Variants in PTPRK observed in about 807,000 individuals in gnomAD.
PTPRK encodes receptor-type tyrosine-protein phosphatase kappa.
PTPRK carries 75 observed loss-of-function variants against 178.0 expected under a neutral mutation model. The ratio of observed to expected loss-of-function variants is 0.42; its 90% CI spans 0.35 to 0.51. The LOEUF is 0.51. Ranked by LOEUF, PTPRK falls within the 20% of genes least tolerant of loss-of-function variation. The pLI, the probability that PTPRK is intolerant of heterozygous loss-of-function variation, is 0.02. For missense variants in PTPRK, 1,441 were observed against 1,797.8 expected (o/e 0.80, Z 3.59); for synonymous variants, 637 against 620.6 (o/e 1.03, Z -0.39).
At chr6:128,349,422 G>T (rs1832826880) in intron 2 of PTPRK, among the ~76,000 whole-genome samples, 1 of 152,022 alleles carries the variant, frequency 6.6e-6, no homozygotes, top group Non-Finnish European at 1.5e-5. Flanking sequence ...ATTCATTGTA[G>T]TTTAATGCTT....
At position 128,351,875 on chromosome 6, in the gene PTPRK, C is replaced by A. The variant is rs533086442; in HGVS notation, c.224-29565G>T. Among the ~76,000 whole-genome samples the A allele has an allele frequency of 1.0e-3, 154 of 152,176 alleles. 1 individual carries two copies. Among genetic ancestry groups the A allele is most frequent in the Non-Finnish European group, 1.6e-3 (112 of 68,002 alleles). ...TCAGATTTCTGGGGTCCAGATCATC[C>A]ATCTCAATTTTCTTCAATGTAGCTC... On this transcript the variant is annotated intron_variant, in intron 2 of 29. Coordinates refer to ENST00000368226, the MANE Select transcript of PTPRK (RefSeq NM_002844.4).
chr6:128,121,617 T>C (rs1481980624), intron 7 of PTPRK, among the ~76,000 whole-genome samples: 1 of 152,072 alleles, frequency 6.6e-6, no homozygotes, highest in Non-Finnish European at 1.5e-5. Flanking sequence ...ATGTTAATAC[T>C]ATTTTGCATA....
chr6:128,309,155 T>A (rs1826876016), intron 3 of PTPRK, among the ~76,000 whole-genome samples: 1 of 152,172 alleles, frequency 6.6e-6, no homozygotes, highest in Non-Finnish European at 1.5e-5. Context: ...TTTTTTCACT[T>A]ACCACACAGT....
chr6:128,453,020 C>A (rs970125468), intron 1 of PTPRK, among the ~76,000 whole-genome samples: 1 of 152,150 alleles, frequency 6.6e-6, no homozygotes, highest in Non-Finnish European at 1.5e-5. Context: ...TAACAGCTGA[C>A]CTGCAGATTT....
intron 12 of PTPRK, among the ~76,000 whole-genome samples, chr6:128,065,900 A>G (rs1167142170): frequency 6.6e-6 from 1 of 152,198 alleles, no homozygotes; most frequent in East Asian, 1.9e-4. Flanking sequence ...AGTCACATCA[A>G]CTTTAAAACT....
intron 2 of PTPRK, among the ~76,000 whole-genome samples, chr6:128,357,645 G>A (rs1325851613): frequency 3.3e-5 from 5 of 152,160 alleles, no homozygotes; most frequent in Admixed American, 3.3e-4. Flanking sequence ...GCTCTTTGTA[G>A]CCAGAAGACA....
rs142449440 is a variant in PTPRK, at chr6:128,149,521, C to T, written c.1162+34911G>A. Among the ~76,000 whole-genome samples the T allele has an allele frequency of 3.4e-3, 521 of 152,140 alleles. 5 individuals carry two copies. The highest frequency in any genetic ancestry group is 0.012 in the African/African-American group (504 of 41,504). On this transcript the variant is annotated intron_variant, in intron 7 of 29. Coordinates refer to ENST00000368226, the MANE Select transcript of PTPRK (RefSeq NM_002844.4). Reference sequence around the variant, plus strand: ...TTAGACAGCTTTGGAATTAGATAGGCATATAGTCCAGTTCTAATCTAGTAG... The same window carrying T: ...TTAGACAGCTTTGGAATTAGATAGGTATATAGTCCAGTTCTAATCTAGTAG...
At chr6:128,377,348 C>T (rs1436428277) in intron 2 of PTPRK, among the ~76,000 whole-genome samples, 2 of 152,038 alleles carry the variant, frequency 1.3e-5, no homozygotes, top group African/African-American at 4.8e-5. Context: ...CAGGGAAACT[C>T]TCTCTTTTTT....
intron 17 of PTPRK, among the ~76,000 whole-genome samples, chr6:127,996,241 C>T (rs1353793037): frequency 2.6e-5 from 4 of 152,060 alleles, no homozygotes; most frequent in Non-Finnish European, 5.9e-5. Flanking sequence ...AAGAATAACA[C>T]CCCAATCTTG....
At chr6:128,200,291 A>C (rs1805674412) in intron 6 of PTPRK, among the ~76,000 whole-genome samples, 1 of 152,180 alleles carries the variant, frequency 6.6e-6, no homozygotes, top group Admixed American at 6.5e-5. Context: ...AGGTAAGCAA[A>C]TGTAGAAATG....
At chr6:128,311,032 A>G (rs764345876) in intron 3 of PTPRK, among the ~76,000 whole-genome samples, 1 of 152,186 alleles carries the variant, frequency 6.6e-6, no homozygotes, top group Non-Finnish European at 1.5e-5. Context: ...AGAAAGAACA[A>G]ACTTAAATGA....
intron 13 of PTPRK, among the ~76,000 whole-genome samples, chr6:128,050,268 ACT>A (rs1179185318): frequency 1.3e-5 from 2 of 152,008 alleles, no homozygotes; most frequent in South Asian, 2.1e-4. Flanking sequence ...TGTACAAGTG[ACT>A]CTCTAGTGTT....
intron 3 of PTPRK, among the ~76,000 whole-genome samples, chr6:128,258,463 A>G (rs1562883466): frequency 6.6e-6 from 1 of 152,224 alleles, no homozygotes; most frequent in Non-Finnish European, 1.5e-5. Context: ...GGCACTGGGA[A>G]AATGAAATAA....
rs916128672 is a variant in PTPRK, at chr6:127,969,741, A to G, written c.*486T>C. The G allele has an allele frequency of 6.6e-6, 1 of 152,042 alleles. No individual in the cohort carries two copies. The highest frequency in any genetic ancestry group is 1.5e-5 in the Non-Finnish European group (1 of 67,974). 9.4% of individuals were successfully genotyped at this position (152,042 alleles called of 1,614,324 possible). On this transcript the variant is annotated 3_prime_UTR_variant, in exon 30 of 30. Transcript: ENST00000368226. ...GAAAATAAGCCAGTTATATATATTTATATATTTATATAGAGATCTGCTACA... is the reference window on the plus strand; with the variant it reads ...GAAAATAAGCCAGTTATATATATTTGTATATTTATATAGAGATCTGCTACA...
rs17055290 is a variant in PTPRK, at chr6:128,110,525, C to G, written c.1163-20533G>C. Reference sequence around the variant, plus strand: ...TCCATATCTTTTGGTACCAGTCACCCCATAGAGCTAGGACTACATATGCAG... The same window carrying G: ...TCCATATCTTTTGGTACCAGTCACCGCATAGAGCTAGGACTACATATGCAG... On this transcript the variant is annotated intron_variant, in intron 7 of 29. Transcript: ENST00000368226. Among the ~76,000 whole-genome samples, 11 of 151,922 alleles carry G rather than the reference C, an allele frequency of 7.2e-5. No homozygotes were observed. In the East Asian group the frequency reaches 2.1e-3, roughly 30 times the overall value.
chr6:128,103,253 G>A (rs1352776965), intron 7 of PTPRK, among the ~76,000 whole-genome samples: 1 of 151,970 alleles, frequency 6.6e-6, no homozygotes, highest in Admixed American at 6.6e-5. Context: ...CCCCTTTCCG[G>A]GTCCCCATAC....
chr6:127,997,268 G>A (rs1777265780), intron 16 of PTPRK, among the ~76,000 whole-genome samples: 1 of 152,062 alleles, frequency 6.6e-6, no homozygotes, highest in East Asian at 1.9e-4. Context: ...ATAATGAGAA[G>A]TAGAAGTAGC....
chr6:128,457,980 A>T (rs1287279927), intron 1 of PTPRK, among the ~76,000 whole-genome samples: 1 of 152,144 alleles, frequency 6.6e-6, no homozygotes, highest in African/African-American at 2.4e-5. Context: ...ACTCCTTAAC[A>T]TTTCCACATG....
intron 3 of PTPRK, among the ~76,000 whole-genome samples, chr6:128,292,109 A>T (rs1230592118): frequency 6.6e-6 from 1 of 152,144 alleles, no homozygotes; most frequent in Non-Finnish European, 1.5e-5. Context: ...ATCCGTAGGT[A>T]TCAATAAGAT....
Sources: allele counts gnomAD v4.1 joint callset (sites outside exome capture counted in the v4.1 genomes callset), GRCh38; gene constraint gnomAD v4.1.1; transcripts MANE v1.5; gene names NCBI Gene and HGNC (gene_info 2026-07-23, HGNC 2026-07-21).